The following TNNI3K variants were observed in gnomAD, a reference collection of about 807,000 sequenced individuals.
TNNI3K encodes the protein TNNI3 interacting kinase.
A neutral mutation model predicts 114.5 loss-of-function variants in TNNI3K; 140 were observed. The observed-to-expected ratio is 1.22, with a 90% confidence interval of 1.07 to 1.41. The LOEUF (loss-of-function observed/expected upper bound fraction) is 1.41. Ranked by LOEUF, TNNI3K falls within the 40% of genes most tolerant of loss-of-function variation. The pLI, the probability that TNNI3K is intolerant of heterozygous loss-of-function variation, is 0.00. For synonymous variants in TNNI3K, 347 were observed against 347.5 expected (o/e 1.00, Z 0.02); for missense variants, 1,125 against 1,007.6 (o/e 1.12, Z -1.58).
intron 17 of TNNI3K, chr1:74,375,411 A>G: frequency 3.0e-6 from 1 of 337,972 alleles, no homozygotes; most frequent in Non-Finnish European, 6.2e-6. Context: ...GGACTACACT[A>G]CCTTCATAGG....
chr1:74,390,107 G>T (rs1489554937), intron 17 of TNNI3K, among the ~76,000 whole-genome samples: 1 of 152,140 alleles, frequency 6.6e-6, no homozygotes, highest in Non-Finnish European at 1.5e-5. Context: ...TGGGAAGAAT[G>T]AGTTTGAGAA....
At chr1:74,496,030 C>T (rs189632764) in intron 23 of TNNI3K, among the ~76,000 whole-genome samples, 2 of 152,304 alleles carry the variant, frequency 1.3e-5, no homozygotes, top group African/African-American at 4.8e-5. Flanking sequence ...ACTTTGGCTG[C>T]ACATTAGAAT....
chr1:74,282,631 G>A lies in TNNI3K; in HGVS notation c.444+10923G>A, dbSNP rs371348915. 1.7e-4 allele frequency among the ~76,000 whole-genome samples: 26 copies of A among 152,148 alleles called. No individual in the cohort carries two copies. In the East Asian group the frequency reaches 5.0e-3, roughly 29 times the overall value. ...TAGGGCTTCAACACGTGAATTTCAGGGGACACAATTCCCCATAGCAATTAT... is the reference window on the plus strand; with the variant it reads ...TAGGGCTTCAACACGTGAATTTCAGAGGACACAATTCCCCATAGCAATTAT... On this transcript the variant is annotated intron_variant, in intron 5 of 24. Coordinates refer to ENST00000326637, the MANE Select transcript of TNNI3K (RefSeq NM_015978.3).
chr1:74,331,539 A>G lies in TNNI3K; in HGVS notation c.534A>G (p.Gly178=). 23 of 1,610,852 alleles carry G rather than the reference A, an allele frequency of 1.4e-5. No individual in the cohort carries two copies. Among genetic ancestry groups the G allele is most frequent in the Non-Finnish European group, 2.0e-5 (23 of 1,178,010 alleles). ...CATTGCATATTGCAGCGTACTATGG[A>G]CATGAACAGGTAAGTCTGACAGTAG... ...FTPLHIAAYY[G]HEQVTRLLLK... Residue 178 remains glycine, a synonymous_variant, in exon 6 of 25, where the codon GGA becomes GGG. Coordinates refer to ENST00000326637, the MANE Select transcript of TNNI3K (RefSeq NM_015978.3).
At chr1:74,485,391 G>A (rs1018290135) in intron 21 of TNNI3K, among the ~76,000 whole-genome samples, 3 of 152,206 alleles carry the variant, frequency 2.0e-5, no homozygotes, top group East Asian at 3.9e-4. Flanking sequence ...CCTCATGGAT[G>A]TGTGGTTCAG....
chr1:74,488,748 G>A (rs1040388896), intron 21 of TNNI3K, among the ~76,000 whole-genome samples: 1 of 152,140 alleles, frequency 6.6e-6, no homozygotes, highest in Admixed American at 6.5e-5. Flanking sequence ...CATCATCTTA[G>A]TTTTGAATCT....
intron 23 of TNNI3K, among the ~76,000 whole-genome samples, chr1:74,526,165 A>G (rs1269165022): frequency 6.6e-6 from 1 of 152,370 alleles, no homozygotes; most frequent in East Asian, 1.9e-4. Context: ...AAACCTTCCC[A>G]TGCAGACTGG....
At chr1:74,439,774 G>T in intron 20 of TNNI3K, 152 bp downstream of exon 20, 1 of 1,173,024 alleles carries the variant, frequency 8.5e-7, no homozygotes, top group Non-Finnish European at 1.2e-6. Flanking sequence ...TAAGGTGTGT[G>T]CCCAACCCAG....
At chr1:74,421,986 ATTATTATTT>A (rs1665422359) in intron 17 of TNNI3K, among the ~76,000 whole-genome samples, 1 of 86,848 alleles carries the variant, frequency 1.2e-5, no homozygotes. Flanking sequence ...TATTATTATT[ATTATTATTT>A]ATTTTAGATT....
chr1:74,236,400 C>T (rs969222581), intron 2 of TNNI3K, among the ~76,000 whole-genome samples, 190 bp downstream of exon 2: 5 of 151,546 alleles, frequency 3.3e-5, no homozygotes, highest in Non-Finnish European at 5.9e-5. Flanking sequence ...TAACATCTCA[C>T]CTCCTTAAAA....
At chr1:74,412,603 T>A (rs1664935307) in intron 17 of TNNI3K, among the ~76,000 whole-genome samples, 1 of 152,126 alleles carries the variant, frequency 6.6e-6, no homozygotes, top group Non-Finnish European at 1.5e-5. Flanking sequence ...TACTGTTTTT[T>A]CATCACATTC....
At chr1:74,470,369 T>C in intron 21 of TNNI3K, 1 of 400,692 alleles carries the variant, frequency 2.5e-6, no homozygotes, top group East Asian at 3.6e-5. Context: ...TCAAGCATAT[T>C]TTTCTCTTCT....
rs1369305235 is a variant in TNNI3K at position 74,345,121 on chromosome 1, A to G, written c.932+1942A>G. ...TATGTGCATATATTCAGAACTCATTATCTGTAAGTAGTTTCTTTGAAAAAG... is the reference window on the plus strand; with the variant it reads ...TATGTGCATATATTCAGAACTCATTGTCTGTAAGTAGTTTCTTTGAAAAAG... On this transcript the variant is annotated intron_variant, in intron 9 of 24. Coordinates refer to ENST00000326637, the MANE Select transcript of TNNI3K (RefSeq NM_015978.3). Among the ~76,000 whole-genome samples the G allele has an allele frequency of 1.3e-3, 199 of 152,224 alleles. 2 individuals carry two copies. Among genetic ancestry groups the G allele is most frequent in the Non-Finnish European group, 2.9e-5 (2 of 68,006 alleles).
chr1:74,398,860 T>C (rs2100585839), intron 17 of TNNI3K, among the ~76,000 whole-genome samples: 1 of 152,044 alleles, frequency 6.6e-6, no homozygotes, highest in East Asian at 1.9e-4. Flanking sequence ...ACTACTAAAC[T>C]AATCTTAGAA....
intron 5 of TNNI3K, among the ~76,000 whole-genome samples, chr1:74,274,111 A>C (rs920694247): frequency 1.3e-5 from 2 of 151,940 alleles, no homozygotes; most frequent in Non-Finnish European, 2.9e-5. Flanking sequence ...TAAACAGTCC[A>C]TTATCATGTA....
rs550850449 is a variant in TNNI3K, at chr1:74,342,225, G to A, written c.683-617G>A. 1.6e-4 allele frequency among the ~76,000 whole-genome samples: 24 copies of A among 152,268 alleles called. No individual in the cohort carries two copies. In the South Asian group the frequency reaches 5.0e-3, roughly 32 times the overall value. ...GGGTGTTTCAACGAGAAGGACACAT[G>A]TCTACTACTGAATGAAGAATTGAAT... On this transcript the variant is annotated intron_variant, in intron 7 of 24. Transcript: ENST00000326637.
intron 5 of TNNI3K, among the ~76,000 whole-genome samples, chr1:74,328,491 T>A (rs1056909036): frequency 5.3e-5 from 8 of 152,164 alleles, no homozygotes; most frequent in Non-Finnish European, 1.0e-4. Flanking sequence ...TACAAATTAG[T>A]ACATGAATTC....
At chr1:74,245,261 A>G (rs1269085006) in intron 2 of TNNI3K, among the ~76,000 whole-genome samples, 1 of 152,206 alleles carries the variant, frequency 6.6e-6, no homozygotes, top group Non-Finnish European at 1.5e-5. Flanking sequence ...TTTCACAGAT[A>G]AAGGTCTAAA....
chr1:74,358,823 G>A (rs1661795913), intron 11 of TNNI3K, among the ~76,000 whole-genome samples: 1 of 141,550 alleles, frequency 7.1e-6, no homozygotes, highest in African/African-American at 2.4e-5. Context: ...ATCATTGCAG[G>A]GAGATAACTC....
Sources: gnomAD v4.1 joint callset for allele counts (sites outside exome capture counted in the v4.1 genomes callset) on GRCh38, gnomAD v4.1.1 for gene constraint, MANE v1.5 for transcripts, NCBI Gene and HGNC (gene_info 2026-07-23, HGNC 2026-07-21) for gene names.